CR1: variants seen among roughly 807,000 people sequenced by gnomAD.
CR1 encodes the protein complement C3b/C4b receptor 1 (Knops blood group).
In CR1, 116 loss-of-function variants were observed where a neutral mutation model predicts 187.3. That is an observed-to-expected ratio of 0.62 (90% CI 0.53 to 0.72). CR1 has a LOEUF of 0.72. CR1 is among the 30% of genes least tolerant of loss of function. The probability of loss-of-function intolerance (pLI) is 0.00; values close to 1 mark genes in which losing one functional copy is unlikely to be tolerated. For missense variants in CR1, 1,731 were observed against 2,110.7 expected (o/e 0.82, Z 3.52); for synonymous variants, 576 against 747.1 (o/e 0.77, Z 3.73).
chr1:207,638,221 G>A (rs1227057553), intron 46 of CR1, among the ~76,000 whole-genome samples: 1 of 152,174 alleles, frequency 6.6e-6, no homozygotes, highest in African/African-American at 2.4e-5. Context: ...ACTTTCCACT[G>A]ATGTAAGAAT....
chr1:207,506,824 A>C lies in CR1; in HGVS notation c.401+11A>C. 6.2e-7 allele frequency: 1 copy of C among 1,604,060 alleles called. No homozygotes were observed. Among genetic ancestry groups the C allele is most frequent in the South Asian group, 1.1e-5 (1 of 90,578 alleles). On this transcript the variant is annotated intron_variant, in intron 3 of 46. Coordinates refer to ENST00000367049, the MANE Select transcript of CR1 (RefSeq NM_000651.6). ...TTCTTGTACTAAAGGGTGAGTTGGC[A>C]TCTCTTGAACCAACATCTCTTGGTT...
chr1:207,524,565 T>A lies in CR1; in HGVS notation c.886+556T>A, dbSNP rs1373143564. On this transcript the variant is annotated intron_variant, in intron 5 of 46. Transcript: ENST00000367049. Reference sequence around the variant, plus strand: ...TGCCTGGATAAGTTTTTTATATATTTTTTGTAGGGATAGAGTCTCACCATG... The same window carrying A: ...TGCCTGGATAAGTTTTTTATATATTATTTGTAGGGATAGAGTCTCACCATG... Among the ~76,000 whole-genome samples, 16 of 151,948 alleles carry A rather than the reference T, an allele frequency of 1.1e-4. No homozygotes were observed. The East Asian group carries it at 2.9e-3, about 27-fold the overall frequency.
intron 3 of CR1, among the ~76,000 whole-genome samples, chr1:207,508,929 T>A (rs530527104): frequency 9.1e-4 from 139 of 152,342 alleles, no homozygotes; most frequent in Non-Finnish European, 1.9e-3. Flanking sequence ...TGATACCTTA[T>A]GTCCTCCACT....
At chr1:207,614,353 G>C in intron 39 of CR1, 51 bp from the exon 40 acceptor site, 1 of 1,414,368 alleles carries the variant, frequency 7.1e-7, no homozygotes, top group Non-Finnish European at 9.9e-7. Flanking sequence ...AAGAAATCAA[G>C]GGAGAGATGG....
chr1:207,564,667 G>A (rs1449142975), intron 23 of CR1, among the ~76,000 whole-genome samples: 1 of 149,940 alleles, frequency 6.7e-6, no homozygotes, highest in Non-Finnish European at 1.5e-5. Context: ...TGGGTTTGGT[G>A]GCATGTGCCT....
rs184131338 is a variant in CR1 at position 207,603,300 on chromosome 1, C to T, written c.5811-3951C>T. ...GATTTCACATGTAAGAAAGATCATG[C>T]GGTATTAGTTCTTCTGTCCCTAGCT... On this transcript the variant is annotated intron_variant, in intron 35 of 46. Coordinates refer to ENST00000367049, the MANE Select transcript of CR1 (RefSeq NM_000651.6). Among the ~76,000 whole-genome samples the T allele has an allele frequency of 4.3e-3, 652 of 152,116 alleles. 8 individuals carry two copies. The highest frequency in any genetic ancestry group is 0.013 in the African/African-American group (529 of 41,518).
At chr1:207,504,951 A>G (rs1659383364) in intron 1 of CR1, among the ~76,000 whole-genome samples, 1 of 152,058 alleles carries the variant, frequency 6.6e-6, no homozygotes, top group African/African-American at 2.4e-5. Flanking sequence ...TTCTCATAGG[A>G]GCAGAAACCC....
At chr1:207,521,265 C>T (rs1659984886) in intron 4 of CR1, among the ~76,000 whole-genome samples, 1 of 152,088 alleles carries the variant, frequency 6.6e-6, no homozygotes, top group Admixed American at 6.5e-5. Flanking sequence ...GCATGAGCCA[C>T]CGTGCCAGGC....
At chr1:207,512,813 C>CA (rs1267320013) in intron 4 of CR1, among the ~76,000 whole-genome samples, 1 of 152,080 alleles carries the variant, frequency 6.6e-6, no homozygotes, top group Admixed American at 6.6e-5. Context: ...ATAGAGAAAA[C>CA]AAAAAATATA....
intron 4 of CR1, among the ~76,000 whole-genome samples, chr1:207,520,218 G>T (rs12043913): frequency 0.25 from 38,048 of 151,388 alleles, 4,529 homozygotes; most frequent in South Asian, 0.43. Context: ...TCCCAATTTT[G>T]CAACGTGGTC....
rs577051668 is a variant in CR1, at chr1:207,523,504, A to G, written c.488-107A>G. ...ATGTACCTATGTGTTAGCAAAGATT[A>G]AAAGCAAATAATGAATGTAAAAATA... On this transcript the variant is annotated intron_variant, in intron 4 of 46. Coordinates refer to ENST00000367049, the MANE Select transcript of CR1 (RefSeq NM_000651.6). The G allele has an allele frequency of 6.3e-5, 96 of 1,535,736 alleles. 1 individual carries two copies. In the South Asian group the frequency reaches 1.0e-3, roughly 16 times the overall value.
chr1:207,623,425 T>C (rs1323123623), intron 45 of CR1, among the ~76,000 whole-genome samples: 2 of 151,938 alleles, frequency 1.3e-5, no homozygotes, highest in South Asian at 2.1e-4. Flanking sequence ...CTACTAAACA[T>C]ACACAAAATT....
At chr1:207,598,583 C>T (rs902870518) in intron 35 of CR1, among the ~76,000 whole-genome samples, 4 of 152,080 alleles carry the variant, frequency 2.6e-5, no homozygotes, top group Non-Finnish European at 5.9e-5. Context: ...CCACGCTGAG[C>T]TCATTTCTGT....
intron 35 of CR1, among the ~76,000 whole-genome samples, chr1:207,602,967 A>T (rs1661647414): frequency 6.6e-6 from 1 of 152,162 alleles, no homozygotes; most frequent in Non-Finnish European, 1.5e-5. Flanking sequence ...CAGAAGATTT[A>T]AAAGAGGGGG....
chr1:207,615,960 AC>A (rs1158841664), intron 40 of CR1, among the ~76,000 whole-genome samples: 3 of 152,220 alleles, frequency 2.0e-5, no homozygotes, highest in African/African-American at 7.2e-5. Flanking sequence ...TAGGGAAGGA[AC>A]TGTTCTAAGC....
intron 46 of CR1, among the ~76,000 whole-genome samples, chr1:207,635,612 C>T (rs923875984): frequency 4.6e-5 from 7 of 152,006 alleles, no homozygotes; most frequent in South Asian, 2.1e-4. Context: ...TCAACAGCAA[C>T]GAGGCGTTCC....
chr1:207,609,770 A>G (rs2102384285), intron 37 of CR1, 82 bp downstream of exon 37: 3 of 1,374,990 alleles, frequency 2.2e-6, no homozygotes, highest in Non-Finnish European at 2.9e-6. Context: ...GAAGAAGTGT[A>G]TAAGGACTAT....
At chr1:207,544,600 A>C (rs1211759401) in intron 13 of CR1, among the ~76,000 whole-genome samples, 3 of 89,932 alleles carry the variant, frequency 3.3e-5, no homozygotes, top group Non-Finnish European at 2.1e-5. Flanking sequence ...AACTACATTA[A>C]GAGAGAGCCT....
At chr1:207,605,727 T>C (rs1407320478) in intron 35 of CR1, among the ~76,000 whole-genome samples, 1 of 152,216 alleles carries the variant, frequency 6.6e-6, no homozygotes, top group Non-Finnish European at 1.5e-5. Flanking sequence ...GATTATCCTT[T>C]TCTTTCCTTT....
Sources: allele counts gnomAD v4.1 joint callset (sites outside exome capture counted in the v4.1 genomes callset), GRCh38; gene constraint gnomAD v4.1.1; transcripts MANE v1.5; gene names NCBI Gene and HGNC (gene_info 2026-07-23, HGNC 2026-07-21).